TBL1X: variants seen among roughly 807,000 people sequenced by gnomAD.
The protein encoded by TBL1X is F-box-like/WD repeat-containing protein TBL1X.
TBL1X carries 10 observed loss-of-function variants against 50.7 expected under a neutral mutation model. That is an observed-to-expected ratio of 0.20 (90% CI 0.12 to 0.33). The LOEUF is 0.33. TBL1X is among the 10% of genes least tolerant of loss of function. TBL1X has a pLI of 1.00. For synonymous variants in TBL1X, 190 were observed against 214.7 expected (o/e 0.88, Z 1.01); for missense variants, 340 against 504.4 (o/e 0.67, Z 3.12).
At chrX:9,496,146 C>G (rs1447311828) in intron 1 of TBL1X, among the ~76,000 whole-genome samples, 1 of 112,203 alleles carries the variant, frequency 8.9e-6, no homozygotes, top group Non-Finnish European at 1.9e-5. Flanking sequence ...CCGTTTGGCC[C>G]TCTGGAAAGC....
chrX:9,464,015 AGT>A (rs914328900), upstream of TBL1X, among the ~76,000 whole-genome samples: 42 of 112,239 alleles, frequency 3.7e-4, no homozygotes, highest in African/African-American at 1.4e-3. Flanking sequence ...TAGATTGCTG[AGT>A]GTACCGGGCT....
intron 2 of TBL1X, among the ~76,000 whole-genome samples, chrX:9,595,829 G>A (rs2146543554): frequency 8.9e-6 from 1 of 112,403 alleles, no homozygotes; most frequent in Admixed American, 9.4e-5. Context: ...ACATCTGAAT[G>A]GGTGGAGTAA....
chrX:9,546,773 TA>T (rs1415419311), intron 2 of TBL1X, among the ~76,000 whole-genome samples: 1 of 108,550 alleles, frequency 9.2e-6, no homozygotes, highest in African/African-American at 3.3e-5. Context: ...TTTTGACCTT[TA>T]AAAATCACTA....
At chrX:9,576,036 G>T in intron 2 of TBL1X, among the ~76,000 whole-genome samples, 1 of 111,921 alleles carries the variant, frequency 8.9e-6, no homozygotes, top group Non-Finnish European at 1.9e-5. Context: ...GGCTATCAAA[G>T]TATTATAAGA....
intron 8 of TBL1X, 92 bp from the exon 9 acceptor site, chrX:9,692,021 T>G (rs2083100995): frequency 8.6e-7 from 1 of 1,164,460 alleles, no homozygotes; most frequent in Admixed American, 2.4e-5. Flanking sequence ...GAGCATGTGC[T>G]GAAGATGCCC....
Position 9,547,065 on chromosome X carries a change from G to A in TBL1X, c.-131+45216G>A, listed in dbSNP as rs747900525. On this transcript the variant is annotated intron_variant, in intron 2 of 17. Coordinates refer to ENST00000645353, the MANE Select transcript of TBL1X (RefSeq NM_005647.4). ...GATCTCCTGACCTCGTGATCCGCCC[G>A]CCTCGGCCTCCCAAAGTGCTGGGAT... Among the ~76,000 whole-genome samples the A allele has an allele frequency of 1.0e-4, 11 of 109,253 alleles. No homozygotes were observed. In the East Asian group the frequency reaches 1.2e-3, roughly 12 times the overall value. 94.9% of individuals were successfully genotyped at this position (109,253 alleles called of 115,157 possible).
chrX:9,565,985 C>T (rs1006196927), intron 2 of TBL1X, among the ~76,000 whole-genome samples: 1 of 111,903 alleles, frequency 8.9e-6, no homozygotes, highest in Non-Finnish European at 1.9e-5. Context: ...ATAAAAGGAG[C>T]CTTTTGCCTC....
intron 2 of TBL1X, among the ~76,000 whole-genome samples, chrX:9,634,067 C>A (rs1190471571): frequency 8.9e-6 from 1 of 111,855 alleles, no homozygotes; most frequent in African/African-American, 3.3e-5. Flanking sequence ...AGTGAAGATA[C>A]ACCGTGAGGT....
intron 1 of TBL1X, among the ~76,000 whole-genome samples, chrX:9,480,031 A>T (rs1318594198): frequency 1.9e-5 from 2 of 106,789 alleles, no homozygotes; most frequent in African/African-American, 3.5e-5. Context: ...GCTCACCGCA[A>T]CCTCCGCCTC....
chrX:9,640,716 C>T (rs1408736038), intron 3 of TBL1X, among the ~76,000 whole-genome samples: 2 of 111,344 alleles, frequency 1.8e-5, no homozygotes, highest in African/African-American at 6.5e-5. Flanking sequence ...CTGCAACCCC[C>T]GCCTCCCAGG....
intron 5 of TBL1X, among the ~76,000 whole-genome samples, chrX:9,681,388 C>T (rs1325142308): frequency 8.9e-6 from 1 of 112,478 alleles, no homozygotes; most frequent in Non-Finnish European, 1.9e-5. Flanking sequence ...CGTCATATCA[C>T]ATGATCCTTG....
chrX:9,684,858 C>T (rs756248197), intron 6 of TBL1X, among the ~76,000 whole-genome samples: 2 of 112,328 alleles, frequency 1.8e-5, no homozygotes, highest in South Asian at 7.3e-4. Context: ...TGCAGACTTG[C>T]TGTCTCTTCT....
intron 1 of TBL1X, among the ~76,000 whole-genome samples, chrX:9,468,548 C>T (rs2081791782): frequency 9.0e-6 from 1 of 111,140 alleles, no homozygotes; most frequent in African/African-American, 3.3e-5. Flanking sequence ...CCAAGTGAGC[C>T]CCAGAGGTGC....
intron 2 of TBL1X, among the ~76,000 whole-genome samples, chrX:9,613,028 C>T (rs5979132): frequency 0.021 from 2,066 of 99,527 alleles, 56 homozygotes; most frequent in African/African-American, 0.071. Context: ...AATAAATGTA[C>T]AAATTATTAC....
rs1569102647 is a variant in TBL1X, at chrX:9,697,413, G to GT, written c.1101dup (p.Pro368SerfsTer9). The GT allele has an allele frequency of 8.3e-7, 1 of 1,210,503 alleles. No individual in the cohort carries two copies. Among genetic ancestry groups the GT allele is most frequent in the Non-Finnish European group, 1.1e-6 (1 of 895,434 alleles). ...CCCACACAGGAGAAGCCAAACAGCA[G>GT]TTTCCTTTTCATTCAGGTGAGTTTT... On this transcript the variant is annotated frameshift_variant, in exon 12 of 18. Transcript: ENST00000645353. LOFTEE classifies it high-confidence loss of function.
chrX:9,550,668 G>A (rs1175759270), intron 2 of TBL1X, among the ~76,000 whole-genome samples: 1 of 112,116 alleles, frequency 8.9e-6, no homozygotes, highest in Non-Finnish European at 1.9e-5. Flanking sequence ...GCATTTTCAA[G>A]ACCTTCCAAA....
intron 3 of TBL1X, among the ~76,000 whole-genome samples, chrX:9,649,462 A>G (rs1428555143): frequency 1.8e-5 from 2 of 112,169 alleles, no homozygotes; most frequent in Non-Finnish European, 3.8e-5. Context: ...TTAACAATGT[A>G]TTGGGGAAAG....
At chrX:9,672,091 A>T (rs1422125735) in intron 5 of TBL1X, among the ~76,000 whole-genome samples, 1 of 112,814 alleles carries the variant, frequency 8.9e-6, no homozygotes, top group Admixed American at 9.3e-5. Flanking sequence ...TTAAGTATAC[A>T]TCTTGTTCAG....
rs901379927 is a variant in TBL1X at position 9,674,756 on chromosome X, T to C, written c.212-9287T>C. On this transcript the variant is annotated intron_variant, in intron 5 of 17. Coordinates refer to ENST00000645353, the MANE Select transcript of TBL1X (RefSeq NM_005647.4). ...ACCACACTCAACTAATTATTTTTATTTTTTGTAAAGATGGGGTCTCATTTT... is the reference window on the plus strand; with the variant it reads ...ACCACACTCAACTAATTATTTTTATCTTTTGTAAAGATGGGGTCTCATTTT... Among the ~76,000 whole-genome samples the C allele has an allele frequency of 6.0e-5, 6 of 99,905 alleles. No individual in the cohort carries two copies. The East Asian group carries it at 2.0e-3, about 33-fold the overall frequency. 86.8% of individuals were successfully genotyped at this position (99,905 alleles called of 115,157 possible).
Sources: allele counts gnomAD v4.1 joint callset (sites outside exome capture counted in the v4.1 genomes callset), GRCh38; gene constraint gnomAD v4.1.1; transcripts MANE v1.5; gene names NCBI Gene and HGNC (gene_info 2026-07-23, HGNC 2026-07-21).